Variants in ADD3 observed in about 807,000 individuals in gnomAD.
ADD3 encodes the protein adducin 3, also known as gamma-adducin.
Under a neutral mutation model 80.2 loss-of-function variants are expected in ADD3, and 25 were observed. The observed-to-expected ratio is 0.31, with a 90% CI of 0.23 to 0.44. The LOEUF is 0.44. Among genes scored for constraint, ADD3 ranks in the 20% least tolerant of loss-of-function variants. The pLI is 1.00. For synonymous variants in ADD3, 284 were observed against 289.6 expected (o/e 0.98, Z 0.20); for missense variants, 829 against 847.5 (o/e 0.98, Z 0.27).
chr10:110,109,400 C>G (rs1157771144), intron 2 of ADD3, among the ~76,000 whole-genome samples: 1 of 152,088 alleles, frequency 6.6e-6, no homozygotes, highest in Non-Finnish European at 1.5e-5. Flanking sequence ...CTTCCTTATG[C>G]TTATTTTCTC....
intron 1 of ADD3, among the ~76,000 whole-genome samples, chr10:110,084,242 A>T (rs1846419556): frequency 6.6e-6 from 1 of 152,336 alleles, no homozygotes; most frequent in Non-Finnish European, 1.5e-5. Context: ...TTAAAATAGT[A>T]AAAATTGTTT....
chr10:110,057,923 A>C (rs1363349979), intron 1 of ADD3, among the ~76,000 whole-genome samples: 1 of 152,242 alleles, frequency 6.6e-6, no homozygotes, highest in East Asian at 1.9e-4. Context: ...GATGCTAGAT[A>C]ATCATTTTCA....
chr10:110,055,891 T>C (rs1858129585), intron 1 of ADD3, among the ~76,000 whole-genome samples: 1 of 152,220 alleles, frequency 6.6e-6, no homozygotes, highest in Admixed American at 6.5e-5. Context: ...GTTTATTAAA[T>C]GACATAAAGC....
At chr10:110,039,315 G>A (rs993251051) in intron 1 of ADD3, among the ~76,000 whole-genome samples, 18 of 152,058 alleles carry the variant, frequency 1.2e-4, no homozygotes, top group African/African-American at 3.6e-4. Flanking sequence ...GAACTGATTG[G>A]AGAAGAGCTT....
chr10:110,076,237 T>G (rs527813687), intron 1 of ADD3, among the ~76,000 whole-genome samples: 2 of 152,316 alleles, frequency 1.3e-5, no homozygotes, highest in Non-Finnish European at 2.9e-5. Flanking sequence ...TTAAAATCAC[T>G]TGAATAAGTA....
intron 2 of ADD3, among the ~76,000 whole-genome samples, chr10:110,102,806 G>A (rs1377547767): frequency 1.3e-5 from 2 of 152,160 alleles, no homozygotes; most frequent in South Asian, 4.1e-4. Flanking sequence ...TTTTATGCCA[G>A]GGTTTTTGTC....
intron 1 of ADD3, among the ~76,000 whole-genome samples, chr10:110,025,708 T>C (rs560459963): frequency 8.5e-5 from 13 of 152,310 alleles, no homozygotes; most frequent in African/African-American, 2.6e-4. Context: ...GTGGCAGATC[T>C]AGACTCAAAA....
At position 110,000,803 on chromosome 10, in the gene ADD3, T is replaced by C. The variant is rs562225456; in HGVS notation, n.79+4357T>C. 3.0e-4 allele frequency among the ~76,000 whole-genome samples: 46 copies of C among 152,286 alleles called. No homozygotes were observed. In the South Asian group the frequency reaches 9.5e-3, roughly 32 times the overall value. ...AGGCTCAGTTCCTTAATCTGTACAATGAAGATAATAATACAGTAGTATCTA... is the reference window on the plus strand; with the variant it reads ...AGGCTCAGTTCCTTAATCTGTACAACGAAGATAATAATACAGTAGTATCTA... On this transcript the variant is annotated intron_variant and non_coding_transcript_variant, in intron 1 of 5. Transcript: ENST00000468251.
At chr10:110,129,151 T>TG (rs577243083) in intron 12 of ADD3, among the ~76,000 whole-genome samples, 1,782 of 124,198 alleles carry the variant, frequency 0.014, 41 homozygotes, top group African/African-American at 0.053. Flanking sequence ...TCTTTCTTTC[T>TG]TTTTTTTTTT....
intron 1 of ADD3, among the ~76,000 whole-genome samples, chr10:110,053,401 T>C (rs961153113): frequency 2.0e-5 from 3 of 149,752 alleles, no homozygotes; most frequent in African/African-American, 7.7e-5. Flanking sequence ...TTAGAAACTG[T>C]CTATCTGGAT....
At chr10:110,067,847 A>G (rs1844165603) in intron 1 of ADD3, among the ~76,000 whole-genome samples, 2 of 152,158 alleles carry the variant, frequency 1.3e-5, no homozygotes. Context: ...TAAAACACCA[A>G]CAATGCTAGA....
At chr10:110,104,413 C>T (rs1236589989) in intron 2 of ADD3, among the ~76,000 whole-genome samples, 1 of 152,174 alleles carries the variant, frequency 6.6e-6, no homozygotes, top group Non-Finnish European at 1.5e-5. Context: ...CTGCTTTCTT[C>T]TTACAGAAGT....
At chr10:110,021,632 C>T (rs1243349300) in intron 1 of ADD3, among the ~76,000 whole-genome samples, 1 of 152,076 alleles carries the variant, frequency 6.6e-6, no homozygotes, top group African/African-American at 2.4e-5. Flanking sequence ...TATATGGTTC[C>T]ACTTACATGA....
intron 1 of ADD3, among the ~76,000 whole-genome samples, chr10:110,078,628 G>C (rs559116129): frequency 2.0e-5 from 3 of 152,188 alleles, no homozygotes; most frequent in African/African-American, 7.2e-5. Flanking sequence ...GCTATTAGTT[G>C]TGTAGCCTTG....
chr10:110,106,692 T>G (rs977696920), intron 2 of ADD3, among the ~76,000 whole-genome samples: 1 of 152,108 alleles, frequency 6.6e-6, no homozygotes, highest in African/African-American at 2.4e-5. Context: ...TGTCTCTAAC[T>G]TAAACATTTT....
chr10:110,127,896 T>TCTGAA (rs1852381818), intron 12 of ADD3, among the ~76,000 whole-genome samples: 1 of 152,142 alleles, frequency 6.6e-6, no homozygotes, highest in Admixed American at 6.5e-5. Flanking sequence ...GTGGTAACAG[T>TCTGAA]CTGAAATGCC....
chr10:110,090,605 C>G (rs1463742018), intron 1 of ADD3, among the ~76,000 whole-genome samples: 1 of 152,016 alleles, frequency 6.6e-6, no homozygotes, highest in Non-Finnish European at 1.5e-5. Context: ...TGCTTTGTTC[C>G]AATTGTACAA....
chr10:110,086,105 TCAGAAA>T (rs899545212), intron 1 of ADD3, among the ~76,000 whole-genome samples: 7 of 134,752 alleles, frequency 5.2e-5, no homozygotes, highest in South Asian at 2.4e-4. Flanking sequence ...AAACTCCGTC[TCAGAAA>T]CAGAAAGAAA....
In ADD3 at chr10:110,119,252, G is replaced by A. The variant is rs762441928; in HGVS notation, c.759G>A (p.Glu253=). The change falls in exon 7 of 15, where the codon GAG becomes GAA. Residue 253 remains glutamate (E), a synonymous_variant. Transcript: ENST00000356080. ...GTGGGATCCTTCCAATTTCTCAAGA[G>A]TCTCTTCTTCTGGGAGATGTTGCCT... ...MKCGILPISQ[E]SLLLGDVAYY... is the part of the protein sequence containing the mutation. 8.1e-6 allele frequency: 13 copies of A among 1,614,138 alleles called. No homozygotes were observed. In the East Asian group the frequency reaches 2.2e-4, roughly 28 times the overall value.
Sources: allele counts gnomAD v4.1 joint callset (sites outside exome capture counted in the v4.1 genomes callset), GRCh38; gene constraint gnomAD v4.1.1; transcripts MANE v1.5; gene names NCBI Gene and HGNC (gene_info 2026-07-23, HGNC 2026-07-21).